ASAP1: variants seen among roughly 807,000 people sequenced by gnomAD.
ASAP1 encodes the protein ArfGAP with SH3 domain, ankyrin repeat and PH domain 1, also known as arf-GAP with SH3 domain, ANK repeat and PH domain-containing protein 1.
A neutral mutation model predicts 145.2 loss-of-function variants in ASAP1; 43 were observed. The ratio of observed to expected loss-of-function variants is 0.30; its 90% CI spans 0.23 to 0.38. The LOEUF (loss-of-function observed/expected upper bound fraction) is 0.38. Among genes scored for constraint, ASAP1 ranks in the 10% least tolerant of loss-of-function variants. ASAP1 has a pLI of 1.00. For synonymous variants in ASAP1, 546 were observed against 515.5 expected, an observed-to-expected ratio of 1.06 and a Z score of -0.80; for missense variants, 1,018 against 1,355.3, an observed-to-expected ratio of 0.75 and a Z score of 3.91.
chr8:130,373,480 C>T (rs1167517387), intron 2 of ASAP1, among the ~76,000 whole-genome samples: 1 of 152,174 alleles, frequency 6.6e-6, no homozygotes, highest in African/African-American at 2.4e-5. Flanking sequence ...AAAATAAATT[C>T]TAAATACATG....
chr8:130,141,608 C>G (rs79887288), intron 13 of ASAP1, among the ~76,000 whole-genome samples: 57 of 152,288 alleles, frequency 3.7e-4, no homozygotes, highest in African/African-American at 1.4e-3. Context: ...CGGGTACTAG[C>G]AAGATCATGG....
At chr8:130,063,587 T>C (rs899930825) in intron 27 of ASAP1, among the ~76,000 whole-genome samples, 1 of 152,078 alleles carries the variant, frequency 6.6e-6, no homozygotes, top group African/African-American at 2.4e-5. Flanking sequence ...GAGAGGAGAC[T>C]GGCCTTCTTG....
intron 5 of ASAP1, among the ~76,000 whole-genome samples, chr8:130,206,714 A>G: frequency 6.6e-6 from 1 of 151,926 alleles, no homozygotes; most frequent in African/African-American, 2.4e-5. Context: ...TTTAAAAAAT[A>G]ATTTATATAC....
chr8:130,278,173 T>C (rs540223616), intron 3 of ASAP1, among the ~76,000 whole-genome samples: 5 of 152,122 alleles, frequency 3.3e-5, no homozygotes, highest in African/African-American at 1.2e-4. Flanking sequence ...TTAGACAGCA[T>C]AAAGGGAATG....
At chr8:130,268,525 A>G (rs1231508617) in intron 3 of ASAP1, among the ~76,000 whole-genome samples, 2 of 147,954 alleles carry the variant, frequency 1.4e-5, no homozygotes, top group East Asian at 3.9e-4. Context: ...ACACACACAC[A>G]CACACACACA....
At chr8:130,128,192 T>G in intron 15 of ASAP1, 102 bp from the exon 16 acceptor site, 3 of 830,080 alleles carry the variant, frequency 3.6e-6, no homozygotes, top group Non-Finnish European at 5.0e-6. Flanking sequence ...AAATCTACTT[T>G]TGTCAAGTAA....
chr8:130,100,900 T>C (rs2097527677), intron 24 of ASAP1, among the ~76,000 whole-genome samples: 1 of 152,176 alleles, frequency 6.6e-6, no homozygotes, highest in East Asian at 1.9e-4. Flanking sequence ...ACACATACAA[T>C]TTTTGCCCAG....
At chr8:130,169,744 C>T (rs1813452836) in intron 9 of ASAP1, among the ~76,000 whole-genome samples, 1 of 152,212 alleles carries the variant, frequency 6.6e-6, no homozygotes, top group Non-Finnish European at 1.5e-5. Context: ...GTACACAACT[C>T]TAATGAATTA....
At chr8:130,422,750 T>C (rs1175417858) in intron 1 of ASAP1, among the ~76,000 whole-genome samples, 2 of 152,340 alleles carry the variant, frequency 1.3e-5, no homozygotes, top group East Asian at 3.9e-4. Context: ...AGAGGCTTGG[T>C]CCTGGGTTCA....
intron 3 of ASAP1, among the ~76,000 whole-genome samples, chr8:130,258,577 T>C (rs1819707628): frequency 1.3e-5 from 2 of 152,206 alleles, no homozygotes; most frequent in South Asian, 4.1e-4. Flanking sequence ...AGGCTCTACC[T>C]CGGAAGGGCT....
At chr8:130,107,957 G>C (rs371464294) in intron 24 of ASAP1, among the ~76,000 whole-genome samples, 68 of 152,322 alleles carry the variant, frequency 4.5e-4, no homozygotes, top group African/African-American at 1.5e-3. Flanking sequence ...GCCATGGTCT[G>C]GCTTGACACA....
chr8:130,388,090 G>A (rs1018442336), intron 2 of ASAP1, among the ~76,000 whole-genome samples: 1 of 152,204 alleles, frequency 6.6e-6, no homozygotes, highest in Non-Finnish European at 1.5e-5. Context: ...AGGATGTGAC[G>A]ACCATGGAGT....
At chr8:130,136,143 C>T (rs1481237071) in intron 14 of ASAP1, among the ~76,000 whole-genome samples, 1 of 152,178 alleles carries the variant, frequency 6.6e-6, no homozygotes, top group Admixed American at 6.5e-5. Context: ...CTGTCATCCT[C>T]TCTTTACAAA....
Position 130,068,817 on chromosome 8 carries a change from C to T in ASAP1, c.2701+7531G>A, listed in dbSNP as rs143534447. Among the ~76,000 whole-genome samples the T allele has an allele frequency of 6.3e-3, 957 of 152,282 alleles. 12 individuals are homozygous for T. Among genetic ancestry groups the T allele is most frequent in the African/African-American group, 0.022 (923 of 41,554 alleles). On this transcript the variant is annotated intron_variant, in intron 27 of 29. Coordinates refer to ENST00000518721, the MANE Select transcript of ASAP1 (RefSeq NM_018482.4). ...GCATGTGGGACTGGCTTTATGATGA[C>T]AGGGCTATTCACACGCTGAACATGC... is the stretch of plus-strand genomic sequence containing the variant.
chr8:130,233,304 CA>C (rs1234018753), intron 4 of ASAP1, among the ~76,000 whole-genome samples: 2 of 152,132 alleles, frequency 1.3e-5, no homozygotes, highest in Non-Finnish European at 2.9e-5. Flanking sequence ...GAGAGCTTCC[CA>C]GGTAGTAACA....
At chr8:130,105,961 ATTAAC>A (rs568626212) in intron 24 of ASAP1, among the ~76,000 whole-genome samples, 33 of 152,334 alleles carry the variant, frequency 2.2e-4, no homozygotes, top group African/African-American at 7.9e-4. Flanking sequence ...TTCTTTAACA[ATTAAC>A]TCATCCACCC....
At chr8:130,061,169 A>AT in intron 27 of ASAP1, 100 bp from the exon 28 acceptor site, 1 of 1,405,130 alleles carries the variant, frequency 7.1e-7, no homozygotes, top group Middle Eastern at 2.2e-4. Flanking sequence ...GAACTGACCT[A>AT]TAGTGAGCAC....
At position 130,079,190 on chromosome 8, in the gene ASAP1, A is replaced by G. The variant is rs376805040; in HGVS notation, c.2642+712T>C. Among the ~76,000 whole-genome samples the G allele has an allele frequency of 1.2e-4, 19 of 152,300 alleles. 1 individual carries two copies. The East Asian group carries it at 1.9e-3, about 15-fold the overall frequency. On this transcript the variant is annotated intron_variant, in intron 26 of 29. Coordinates refer to ENST00000518721, the MANE Select transcript of ASAP1 (RefSeq NM_018482.4). ...AGTCTGGGTGACAGAGAAAGGCCCT[A>G]TCTCAAAAAAAGAGAGATTTTGTTT...
chr8:130,228,150 G>A (rs1359190387), intron 4 of ASAP1, among the ~76,000 whole-genome samples: 1 of 152,142 alleles, frequency 6.6e-6, no homozygotes, highest in Non-Finnish European at 1.5e-5. Flanking sequence ...AAGGTCCTGA[G>A]AAACGAAGGA....
Sources: allele counts gnomAD v4.1 joint callset (sites outside exome capture counted in the v4.1 genomes callset), GRCh38; gene constraint gnomAD v4.1.1; transcripts MANE v1.5; gene names NCBI Gene and HGNC (gene_info 2026-07-23, HGNC 2026-07-21).